Variants in AP3B1 observed in about 807,000 individuals in gnomAD.
AP3B1 encodes AP-3 complex subunit beta-1.
In AP3B1, 61 loss-of-function variants were observed where a neutral mutation model predicts 132.5. The observed-to-expected ratio is 0.46, with a 90% CI of 0.37 to 0.57. The LOEUF is 0.57. Ranked by LOEUF, AP3B1 falls within the 20% of genes least tolerant of loss-of-function variation. The pLI is 0.00. For missense variants in AP3B1, 1,120 were observed against 1,289.4 expected (o/e 0.87, Z 2.01); for synonymous variants, 388 against 438.3 (o/e 0.89, Z 1.43).
rs76203042 is a variant in AP3B1, at chr5:78,005,633, T to C, written c.3132-2578A>G. Reference sequence around the variant, plus strand: ...TGTAAAAGCTACTGCCTTTATTAACTAGGTCTCTATGTTCTAGTGGACACA... The same window carrying C: ...TGTAAAAGCTACTGCCTTTATTAACCAGGTCTCTATGTTCTAGTGGACACA... On this transcript the variant is annotated intron_variant, in intron 26 of 26. Transcript: ENST00000255194. 5.3e-3 allele frequency among the ~76,000 whole-genome samples: 813 copies of C among 152,336 alleles called. 1 individual carries two copies. The highest frequency in any genetic ancestry group is 0.019 in the African/African-American group (779 of 41,576).
At chr5:78,027,486 GAGAA>G (rs1747383625) in intron 24 of AP3B1, among the ~76,000 whole-genome samples, 1 of 151,752 alleles carries the variant, frequency 6.6e-6, no homozygotes, top group South Asian at 2.1e-4. Flanking sequence ...AATTATTATA[GAGAA>G]AGACTTTTTT....
chr5:78,289,345 T>A (rs1004415716), intron 1 of AP3B1, among the ~76,000 whole-genome samples: 1 of 152,220 alleles, frequency 6.6e-6, no homozygotes, highest in Admixed American at 6.5e-5. Context: ...TGACAATGAA[T>A]AAGATTTAAG....
At chr5:78,170,048 T>C (rs1743844383) in intron 11 of AP3B1, among the ~76,000 whole-genome samples, 2 of 152,138 alleles carry the variant, frequency 1.3e-5, no homozygotes, top group African/African-American at 2.4e-5. Flanking sequence ...AGAATGACGG[T>C]TGCCAGCTTC....
In AP3B1 at chr5:78,227,496, C is replaced by G; in HGVS notation, c.412G>C (p.Val138Leu). 6.2e-7 allele frequency: 1 copy of G among 1,613,712 alleles called. No individual in the cohort carries two copies. Among genetic ancestry groups the G allele is most frequent in the East Asian group, 2.2e-5 (1 of 44,804 alleles). The change falls in exon 5 of 27, where the codon GTT becomes CTT. Residue 138 changes from valine to leucine, a missense_variant. By Grantham distance (32) the Val-to-Leu change is conservative. Coordinates refer to ENST00000255194, the MANE Select transcript of AP3B1 (RefSeq NM_003664.5). The part of the protein sequence containing the change: ...NQLIRASALR[V>L]LSSIRVPIIV... ...ATTGGCACTCTAATACTTGACAGAA[C>G]TCTCAAAGCGCTTGCACGAATTAGT...
intron 7 of AP3B1, among the ~76,000 whole-genome samples, chr5:78,182,281 CCAAA>C (rs1309369706): frequency 6.6e-6 from 1 of 152,098 alleles, no homozygotes; most frequent in East Asian, 1.9e-4. Flanking sequence ...AAACAAAAAA[CCAAA>C]CAAACACAGT....
At chr5:78,227,557 C>T (rs919085167) in intron 4 of AP3B1, 25 bp from the exon 5 acceptor site, 1 of 1,612,322 alleles carries the variant, frequency 6.2e-7, no homozygotes, top group South Asian at 1.1e-5. Flanking sequence ...AAAATATTCA[C>T]CAAAATTTCA....
At chr5:78,026,898 T>C (rs1747360522) in intron 24 of AP3B1, among the ~76,000 whole-genome samples, 1 of 152,212 alleles carries the variant, frequency 6.6e-6, no homozygotes, top group South Asian at 2.1e-4. Context: ...CAAATGCAAG[T>C]TGGCCACTTG....
chr5:78,275,782 A>G (rs1431633859), intron 1 of AP3B1, among the ~76,000 whole-genome samples: 2 of 152,136 alleles, frequency 1.3e-5, no homozygotes, highest in African/African-American at 4.8e-5. Flanking sequence ...ATGATTGGCA[A>G]TTTTAACACA....
chr5:78,183,862 C>T (rs1213756858), intron 7 of AP3B1, among the ~76,000 whole-genome samples: 1 of 122,560 alleles, frequency 8.2e-6, no homozygotes, highest in Non-Finnish European at 1.7e-5. Context: ...AGCAAAATTC[C>T]ATCTTAAAAA....
intron 22 of AP3B1, among the ~76,000 whole-genome samples, chr5:78,046,763 T>G (rs1748350116): frequency 6.6e-6 from 1 of 152,144 alleles, no homozygotes; most frequent in African/African-American, 2.4e-5. Flanking sequence ...GCAGGTTTGT[T>G]ACATAGGTAT....
intron 1 of AP3B1, among the ~76,000 whole-genome samples, chr5:78,288,219 G>C (rs917367320): frequency 6.6e-6 from 1 of 152,238 alleles, no homozygotes; most frequent in East Asian, 1.9e-4. Flanking sequence ...CTGAAAAGTT[G>C]AATTACACAA....
chr5:78,151,054 G>T (rs1753629538), intron 14 of AP3B1, among the ~76,000 whole-genome samples: 1 of 152,050 alleles, frequency 6.6e-6, no homozygotes, highest in African/African-American at 2.4e-5. Flanking sequence ...AGGTAGCTGG[G>T]ATTACAGGCA....
Position 78,015,395 on chromosome 5 carries a change from T to C in AP3B1, c.3131+15A>G. Reference sequence around the variant, plus strand: ...AAGTCATCTTCACCTCCACATCGTGTGTTAGTGAACCTACCTGTGTATATT... The same window carrying C: ...AAGTCATCTTCACCTCCACATCGTGCGTTAGTGAACCTACCTGTGTATATT... On this transcript the variant is annotated intron_variant, in intron 26 of 26. Transcript: ENST00000255194. The C allele has an allele frequency of 6.2e-7, 1 of 1,613,418 alleles. No individual in the cohort carries two copies. The highest frequency in any genetic ancestry group is 8.5e-7 in the Non-Finnish European group (1 of 1,179,466).
intron 22 of AP3B1, among the ~76,000 whole-genome samples, chr5:78,055,938 G>A (rs1266729109): frequency 6.6e-6 from 1 of 152,100 alleles, no homozygotes; most frequent in Non-Finnish European, 1.5e-5. Flanking sequence ...GGAATCTAAG[G>A]GGAAGTCTGA....
intron 15 of AP3B1, among the ~76,000 whole-genome samples, chr5:78,136,719 G>T (rs7381081): frequency 0.24 from 31,250 of 130,392 alleles, 3,328 homozygotes; most frequent in Admixed American, 0.34. Flanking sequence ...TGTACTTCTG[G>T]TTTTTTTTTT....
At chr5:78,045,485 C>T (rs1210698114) in intron 22 of AP3B1, among the ~76,000 whole-genome samples, 3 of 151,782 alleles carry the variant, frequency 2.0e-5, no homozygotes, top group Non-Finnish European at 4.4e-5. Flanking sequence ...ACTTCTCCAG[C>T]ATCTAGATAA....
chr5:78,227,556 A>C, intron 4 of AP3B1, 24 bp from the exon 5 acceptor site: 2 of 1,612,748 alleles, frequency 1.2e-6, no homozygotes, highest in Non-Finnish European at 1.7e-6. Flanking sequence ...AAAAATATTC[A>C]CCAAAATTTC....
intron 14 of AP3B1, among the ~76,000 whole-genome samples, chr5:78,145,642 T>C (rs1753357999): frequency 6.6e-6 from 1 of 152,218 alleles, no homozygotes; most frequent in African/African-American, 2.4e-5. Context: ...ATTAATCAGA[T>C]GAAGGATTAT....
At chr5:78,085,727 A>C (rs1750216789) in intron 22 of AP3B1, among the ~76,000 whole-genome samples, 1 of 152,238 alleles carries the variant, frequency 6.6e-6, no homozygotes, top group Non-Finnish European at 1.5e-5. Flanking sequence ...GTCATTCTGA[A>C]ACCATTCCAT....
Sources: allele counts gnomAD v4.1 joint callset (sites outside exome capture counted in the v4.1 genomes callset), GRCh38; gene constraint gnomAD v4.1.1; transcripts MANE v1.5; gene names NCBI Gene and HGNC (gene_info 2026-07-23, HGNC 2026-07-21).